The following CALD1 variants were observed in gnomAD, a reference collection of about 807,000 sequenced individuals.
CALD1 encodes caldesmon 1, also known as caldesmon.
Under a neutral mutation model 99.9 loss-of-function variants are expected in CALD1, and 33 were observed. The ratio of observed to expected loss-of-function variants is 0.33; its 90% confidence interval spans 0.25 to 0.44. CALD1 has a LOEUF of 0.44. Ranked by LOEUF, CALD1 falls within the 20% of genes least tolerant of loss-of-function variation. The pLI, the probability that CALD1 is intolerant of heterozygous loss-of-function variation, is 1.00. For missense variants in CALD1, 861 were observed against 962.1 expected, an observed-to-expected ratio of 0.89 and a Z score of 1.39; for synonymous variants, 310 against 325.0, an observed-to-expected ratio of 0.95 and a Z score of 0.50.
At chr7:134,825,466 T>C (rs1182041635) in intron 1 of CALD1, among the ~76,000 whole-genome samples, 1 of 152,182 alleles carries the variant, frequency 6.6e-6, no homozygotes, top group Admixed American at 6.5e-5. Context: ...CTATAAAATA[T>C]CTAAGCATTA....
chr7:134,870,416 C>T (rs1287687906), intron 3 of CALD1, among the ~76,000 whole-genome samples: 1 of 152,170 alleles, frequency 6.6e-6, no homozygotes, highest in East Asian at 1.9e-4. Context: ...AGTGAATAAA[C>T]CCAGTTTCTT....
intron 1 of CALD1, among the ~76,000 whole-genome samples, chr7:134,766,872 C>T (rs977721016): frequency 3.3e-5 from 5 of 152,072 alleles, no homozygotes; most frequent in Non-Finnish European, 5.9e-5. Flanking sequence ...ACAAAATGGC[C>T]ATGGATCAAG....
intron 6 of CALD1, among the ~76,000 whole-genome samples, chr7:134,936,777 A>C (rs1451063938): frequency 6.6e-6 from 1 of 152,224 alleles, no homozygotes; most frequent in Non-Finnish European, 1.5e-5. Flanking sequence ...ATTTCTGTTA[A>C]GATGTATGTT....
chr7:134,810,928 T>C (rs185904695), intron 1 of CALD1, among the ~76,000 whole-genome samples: 3 of 152,282 alleles, frequency 2.0e-5, no homozygotes, highest in Admixed American at 6.5e-5. Flanking sequence ...AATTGTTTCA[T>C]TGGTCTTGGA....
At chr7:134,777,802 G>A (rs956993487), upstream of CALD1, among the ~76,000 whole-genome samples, 1 of 152,164 alleles carries the variant, frequency 6.6e-6, no homozygotes, top group African/African-American at 2.4e-5. Context: ...ATATGTTCAA[G>A]CCCAGCAGTT....
chr7:134,841,887 C>T (rs1310916235), intron 1 of CALD1, among the ~76,000 whole-genome samples: 2 of 152,200 alleles, frequency 1.3e-5, no homozygotes, highest in African/African-American at 4.8e-5. Context: ...CACCAGGCTT[C>T]TCAAGGGCTC....
intron 9 of CALD1, among the ~76,000 whole-genome samples, chr7:134,955,764 T>C (rs1004042749): frequency 2.0e-5 from 3 of 152,174 alleles, no homozygotes; most frequent in African/African-American, 7.2e-5. Context: ...ACATGCATTT[T>C]AGGGGGACAC....
At chr7:134,811,365 C>A (rs1433587007) in intron 1 of CALD1, among the ~76,000 whole-genome samples, 8 of 152,154 alleles carry the variant, frequency 5.3e-5, no homozygotes, top group African/African-American at 1.4e-4. Flanking sequence ...GGACAGTTTT[C>A]CAAACTATAC....
chr7:134,779,496 T>G (rs1797019522), upstream of CALD1: 1 of 391,028 alleles, frequency 2.6e-6, no homozygotes. Context: ...GGTGTCGTCA[T>G]TGGCTGCCTA....
intron 3 of CALD1, among the ~76,000 whole-genome samples, chr7:134,907,964 G>A (rs1040847120): frequency 1.3e-5 from 2 of 151,406 alleles, no homozygotes; most frequent in Non-Finnish European, 2.9e-5. Context: ...CATTGGTTTG[G>A]CTGGCTCCAG....
At chr7:134,852,862 A>T (rs1444413206) in intron 2 of CALD1, among the ~76,000 whole-genome samples, 3 of 152,206 alleles carry the variant, frequency 2.0e-5, no homozygotes, top group African/African-American at 7.2e-5. Flanking sequence ...GTGTCAACAA[A>T]TAAAAGGTCT....
intron 3 of CALD1, among the ~76,000 whole-genome samples, chr7:134,882,735 T>C (rs1338930280): frequency 1.3e-5 from 2 of 152,216 alleles, no homozygotes; most frequent in Non-Finnish European, 2.9e-5. Flanking sequence ...TTTCTGATAA[T>C]AGAATGTTTA....
the CALD1 span, among the ~76,000 whole-genome samples, chr7:134,731,912 C>T: frequency 6.6e-6 from 1 of 152,162 alleles, no homozygotes; most frequent in African/African-American, 2.4e-5. Flanking sequence ...TTGCCACACA[C>T]ATTGTTTATT....
At chr7:134,806,172 C>T (rs938271277) in intron 1 of CALD1, among the ~76,000 whole-genome samples, 1 of 152,208 alleles carries the variant, frequency 6.6e-6, no homozygotes, top group Non-Finnish European at 1.5e-5. Context: ...GCATAGTTTC[C>T]CCATTTGCCT....
intron 3 of CALD1, among the ~76,000 whole-genome samples, chr7:134,915,658 A>G (rs571009734): frequency 2.6e-5 from 4 of 152,318 alleles, no homozygotes; most frequent in African/African-American, 7.2e-5. Flanking sequence ...CTGAGTCTTA[A>G]GCTGTTGGTG....
intron 3 of CALD1, among the ~76,000 whole-genome samples, chr7:134,894,448 C>T (rs1563074876): frequency 6.6e-6 from 1 of 152,194 alleles, no homozygotes; most frequent in African/African-American, 2.4e-5. Flanking sequence ...AAATCAAACT[C>T]AATTCCCCTT....
chr7:134,841,413 C>T (rs1563037449), intron 1 of CALD1, among the ~76,000 whole-genome samples: 1 of 152,222 alleles, frequency 6.6e-6, no homozygotes, highest in Non-Finnish European at 1.5e-5. Context: ...TCCATCCCCA[C>T]AAATTATGTG....
At chr7:134,950,603 G>T in intron 9 of CALD1, 89 bp downstream of exon 9, 1 of 1,041,904 alleles carries the variant, frequency 9.6e-7, no homozygotes, top group Non-Finnish European at 1.4e-6. Flanking sequence ...CAGGGCCTTT[G>T]TTCATTTATC....
At chr7:134,733,811 AAAAAAAAAC>A in the CALD1 span, among the ~76,000 whole-genome samples, 4 of 88,880 alleles carry the variant, frequency 4.5e-5, no homozygotes, top group Non-Finnish European at 8.5e-5. Flanking sequence ...TCTGTCTCAA[AAAAAAAAAC>A]AAAAAACAAA....
Sources: allele counts gnomAD v4.1 joint callset (sites outside exome capture counted in the v4.1 genomes callset), GRCh38; gene constraint gnomAD v4.1.1; transcripts MANE v1.5; gene names NCBI Gene and HGNC (gene_info 2026-07-23, HGNC 2026-07-21).